The following BICC1 variants were observed in gnomAD, a reference collection of about 807,000 sequenced individuals.
The protein encoded by BICC1 is BicC family RNA binding protein 1.
Under a neutral mutation model 111.0 loss-of-function variants are expected in BICC1, and 43 were observed. The observed-to-expected ratio is 0.39, with a 90% CI of 0.30 to 0.50. The LOEUF is 0.50. Ranked by LOEUF, BICC1 falls within the 20% of genes least tolerant of loss-of-function variation. BICC1 has a pLI of 0.88. For synonymous variants in BICC1, 467 were observed against 434.4 expected (o/e 1.07, Z -0.93); for missense variants, 1,091 against 1,203.2 (o/e 0.91, Z 1.38).
In BICC1 at chr10:58,673,995, T is replaced by C. The variant is rs147088875; in HGVS notation, c.238-28079T>C. 2.0e-5 allele frequency among the ~76,000 whole-genome samples: 3 copies of C among 152,340 alleles called. No homozygotes were observed. The East Asian group carries it at 5.8e-4, about 29-fold the overall frequency. On this transcript the variant is annotated intron_variant, in intron 2 of 20. Transcript: ENST00000373886. ...AATAGCTTGCTGGTTGTATTTGTCATACAAGTTATGTTCACTGTAGGCCAT... is the reference window on the plus strand; with the variant it reads ...AATAGCTTGCTGGTTGTATTTGTCACACAAGTTATGTTCACTGTAGGCCAT...
At chr10:58,627,017 G>T (rs1225102601) in intron 2 of BICC1, among the ~76,000 whole-genome samples, 4 of 152,044 alleles carry the variant, frequency 2.6e-5, no homozygotes, top group Non-Finnish European at 5.9e-5. Flanking sequence ...CAGGAGAATC[G>T]CTTGAACCTG....
At chr10:58,738,540 C>G (rs1197202619) in intron 3 of BICC1, among the ~76,000 whole-genome samples, 1 of 151,988 alleles carries the variant, frequency 6.6e-6, no homozygotes, top group Non-Finnish European at 1.5e-5. Context: ...CAGCTTTGTT[C>G]TTTTGGCTTA....
chr10:58,740,423 G>A (rs1270287314), intron 3 of BICC1, among the ~76,000 whole-genome samples: 1 of 152,074 alleles, frequency 6.6e-6, no homozygotes, highest in Non-Finnish European at 1.5e-5. Flanking sequence ...GACACCATCA[G>A]GTATTTCAAA....
chr10:58,828,909 A>G lies in BICC1; in HGVS notation c.*18A>G, dbSNP rs1200413698. 1.2e-6 allele frequency: 2 copies of G among 1,613,258 alleles called. No homozygotes were observed. The highest frequency in any genetic ancestry group is 1.3e-5 in the African/African-American group (1 of 75,024). Reference sequence around the variant, plus strand: ...GCTGGTAGCAGCACCCTCTTGGCACATGCCCGCTGACTAACTGTAAAGTGG... The same window carrying G: ...GCTGGTAGCAGCACCCTCTTGGCACGTGCCCGCTGACTAACTGTAAAGTGG... On this transcript the variant is annotated 3_prime_UTR_variant, in exon 21 of 21. Coordinates refer to ENST00000373886, the MANE Select transcript of BICC1 (RefSeq NM_001080512.3).
At chr10:58,606,791 A>G (rs562675572) in intron 1 of BICC1, among the ~76,000 whole-genome samples, 8 of 152,294 alleles carry the variant, frequency 5.3e-5, no homozygotes, top group African/African-American at 1.2e-4. Flanking sequence ...CTCTACTAAT[A>G]TGGAACCTTA....
At chr10:58,533,301 A>G (rs1323109055) in intron 1 of BICC1, among the ~76,000 whole-genome samples, 1 of 151,866 alleles carries the variant, frequency 6.6e-6, no homozygotes, top group Non-Finnish European at 1.5e-5. Context: ...CTTCTAATTT[A>G]AAAACATCTT....
chr10:58,694,066 T>C (rs1212357784), intron 2 of BICC1, among the ~76,000 whole-genome samples: 1 of 152,188 alleles, frequency 6.6e-6, no homozygotes, highest in East Asian at 1.9e-4. Context: ...ACTAAGTTCC[T>C]ATGGCTGAGC....
chr10:58,806,586 A>G lies in BICC1; in HGVS notation c.2184A>G (p.Ala728=). 1 of 1,612,610 alleles carries G rather than the reference A, an allele frequency of 6.2e-7. No homozygotes were observed. Among genetic ancestry groups the G allele is most frequent in the Non-Finnish European group, 8.5e-7 (1 of 1,178,810 alleles). Reference sequence around the variant, plus strand: ...GGTATTTTCTGTTTCATTTTCAGGCATTTGACTATGAACAGAAGAAGCTAT... The same window carrying G: ...GGTATTTTCTGTTTCATTTTCAGGCGTTTGACTATGAACAGAAGAAGCTAT... ...APRSSYVNMQ[A]FDYEQKKLLA... The change falls in exon 16 of 21, where the codon GCA becomes GCG. Residue 728 remains alanine (A), a splice_region_variant and synonymous_variant. Transcript: ENST00000373886.
At chr10:58,785,393 G>T (rs1234240065) in intron 4 of BICC1, among the ~76,000 whole-genome samples, 3 of 152,014 alleles carry the variant, frequency 2.0e-5, no homozygotes, top group Non-Finnish European at 4.4e-5. Context: ...TTCAGAAATA[G>T]AAATTGGCCC....
chr10:58,736,555 A>AC (rs1197687857), intron 3 of BICC1, among the ~76,000 whole-genome samples: 1 of 152,176 alleles, frequency 6.6e-6, no homozygotes, highest in African/African-American at 2.4e-5. Flanking sequence ...AGTACTTGTG[A>AC]CCGACTCATT....
At chr10:58,749,170 G>C (rs897759994) in intron 3 of BICC1, among the ~76,000 whole-genome samples, 2 of 152,080 alleles carry the variant, frequency 1.3e-5, no homozygotes, top group African/African-American at 2.4e-5. Flanking sequence ...TATTGTTCAT[G>C]ATTTCTTCTT....
chr10:58,635,821 C>A (rs1355414385), intron 2 of BICC1, among the ~76,000 whole-genome samples: 1 of 152,154 alleles, frequency 6.6e-6, no homozygotes, highest in Non-Finnish European at 1.5e-5. Context: ...ATATCCCCAA[C>A]TAGAACGTCT....
At chr10:58,764,629 C>CTTTT (rs11366847) in intron 3 of BICC1, among the ~76,000 whole-genome samples, 78 of 117,500 alleles carry the variant, frequency 6.6e-4, no homozygotes, top group East Asian at 1.0e-3. Context: ...TAATTTCCTT[C>CTTTT]TTTTTTTTTT....
At chr10:58,637,234 G>C (rs986157080) in intron 2 of BICC1, among the ~76,000 whole-genome samples, 1 of 152,018 alleles carries the variant, frequency 6.6e-6, no homozygotes, top group African/African-American at 2.4e-5. Context: ...TTGAGGTGGT[G>C]GTTAAGTTCT....
intron 1 of BICC1, among the ~76,000 whole-genome samples, chr10:58,548,181 T>C (rs1038104327): frequency 1.3e-5 from 2 of 152,236 alleles, no homozygotes; most frequent in Non-Finnish European, 2.9e-5. Context: ...TTTTCTCTCA[T>C]TGCTTCTCTG....
At chr10:58,519,707 A>G (rs994004576) in intron 1 of BICC1, among the ~76,000 whole-genome samples, 17 of 152,240 alleles carry the variant, frequency 1.1e-4, no homozygotes, top group African/African-American at 3.9e-4. Context: ...CCAGAAGTAA[A>G]CCTAAATACC....
chr10:58,617,266 A>G (rs1845648258), intron 1 of BICC1, among the ~76,000 whole-genome samples: 1 of 152,246 alleles, frequency 6.6e-6, no homozygotes, highest in Admixed American at 6.5e-5. Context: ...GCATTCATGG[A>G]TAATGACTCC....
chr10:58,597,173 G>A (rs530539415), intron 1 of BICC1, among the ~76,000 whole-genome samples: 9 of 152,214 alleles, frequency 5.9e-5, no homozygotes, highest in South Asian at 2.1e-4. Context: ...CAGCTGGGCC[G>A]CCAGGGGTGA....
chr10:58,524,858 T>C (rs941581433), intron 1 of BICC1, among the ~76,000 whole-genome samples: 1 of 152,032 alleles, frequency 6.6e-6, no homozygotes, highest in African/African-American at 2.4e-5. Context: ...CTCCAACAAA[T>C]TTACAAGAAA....
Sources: allele counts gnomAD v4.1 joint callset (sites outside exome capture counted in the v4.1 genomes callset), GRCh38; gene constraint gnomAD v4.1.1; transcripts MANE v1.5; gene names NCBI Gene and HGNC (gene_info 2026-07-23, HGNC 2026-07-21).